The following TAFA1 variants were observed in gnomAD, a reference collection of about 807,000 sequenced individuals.
The protein encoded by TAFA1 is chemokine-like protein TAFA-1.
In TAFA1, 4 loss-of-function variants were observed where a neutral mutation model predicts 18.5. The observed-to-expected ratio is 0.22, with a 90% CI of 0.11 to 0.49. TAFA1 has a LOEUF of 0.49. Ranked by LOEUF, TAFA1 falls within the 20% of genes least tolerant of loss-of-function variation. TAFA1 has a pLI of 0.98. For synonymous variants in TAFA1, 56 were observed against 55.2 expected, an observed-to-expected ratio of 1.01 and a Z score of -0.06; for missense variants, 147 against 169.0, an observed-to-expected ratio of 0.87 and a Z score of 0.72.
At chr3:68,018,418 C>T (rs1268736314) in intron 2 of TAFA1, among the ~76,000 whole-genome samples, 1 of 152,184 alleles carries the variant, frequency 6.6e-6, no homozygotes, top group Non-Finnish European at 1.5e-5. Context: ...AAGGAAGCTG[C>T]ATAACTCTAA....
rs546759558 is a variant in TAFA1 at position 68,441,526 on chromosome 3, C to G, written c.259+24106C>G. Among the ~76,000 whole-genome samples, 5 of 152,322 alleles carry G rather than the reference C, an allele frequency of 3.3e-5. No individual in the cohort carries two copies. The South Asian group carries it at 1.0e-3, about 32-fold the overall frequency. ...TCATCAACTCATCATGCAACCTGAA[C>G]TGCCTATCATGAACTGGGTACTTTC... is the stretch of plus-strand genomic sequence containing the variant. On this transcript the variant is annotated intron_variant, in intron 3 of 4. Coordinates refer to ENST00000478136, the MANE Select transcript of TAFA1 (RefSeq NM_213609.4).
intron 2 of TAFA1, among the ~76,000 whole-genome samples, chr3:68,033,109 G>A (rs1267874948): frequency 6.6e-6 from 1 of 152,168 alleles, no homozygotes; most frequent in Admixed American, 6.6e-5. Context: ...TAATGAAAAA[G>A]TGGTCAAATT....
intron 2 of TAFA1, among the ~76,000 whole-genome samples, chr3:68,332,672 C>T (rs1437463979): frequency 6.6e-6 from 1 of 152,162 alleles, no homozygotes; most frequent in African/African-American, 2.4e-5. Context: ...TGGAAAGGTA[C>T]TCAACATCAC....
At chr3:68,190,839 T>C (rs2066329050) in intron 2 of TAFA1, among the ~76,000 whole-genome samples, 1 of 151,842 alleles carries the variant, frequency 6.6e-6, no homozygotes, top group African/African-American at 2.4e-5. Context: ...ATCTTGAGCT[T>C]GTCCAAGCAA....
chr3:68,120,117 A>C (rs1218759722), intron 2 of TAFA1, among the ~76,000 whole-genome samples: 3 of 151,824 alleles, frequency 2.0e-5, no homozygotes, highest in African/African-American at 7.3e-5. Flanking sequence ...TTTGTCATTC[A>C]GTTTTCATAG....
At chr3:68,538,433 G>C (rs2073311286) in intron 3 of TAFA1, among the ~76,000 whole-genome samples, 1 of 152,068 alleles carries the variant, frequency 6.6e-6, no homozygotes, top group South Asian at 2.1e-4. Flanking sequence ...CTATGCCCAG[G>C]AATGACCAAA....
intron 1 of TAFA1, among the ~76,000 whole-genome samples, chr3:68,004,997 C>A (rs891244400): frequency 6.6e-6 from 1 of 151,500 alleles, no homozygotes; most frequent in African/African-American, 2.4e-5. Context: ...AGAAAGCAGT[C>A]ATTGAAAAAC....
At chr3:68,408,297 G>A (rs9833279) in intron 2 of TAFA1, among the ~76,000 whole-genome samples, 79,685 of 151,894 alleles carry the variant, frequency 0.52, 21,219 homozygotes, top group African/African-American at 0.6. Context: ...TGAGAACTGG[G>A]GTTTACTCAT....
chr3:68,414,532 C>G (rs1270624160), intron 2 of TAFA1, among the ~76,000 whole-genome samples: 1 of 152,090 alleles, frequency 6.6e-6, no homozygotes, highest in Non-Finnish European at 1.5e-5. Flanking sequence ...AGTTATTTAA[C>G]CCCTCTGAGC....
In TAFA1 at chr3:68,028,403, G is replaced by T. The variant is rs12635428; in HGVS notation, c.118+21659G>T. Reference sequence around the variant, plus strand: ...CACATATAAAGAAGTTGAACAAAAAGATGAAAATAATTTAAATATTATTTT... The same window carrying T: ...CACATATAAAGAAGTTGAACAAAAATATGAAAATAATTTAAATATTATTTT... On this transcript the variant is annotated intron_variant, in intron 2 of 4. Transcript: ENST00000478136. Among the ~76,000 whole-genome samples, 52 of 148,212 alleles carry T rather than the reference G, an allele frequency of 3.5e-4. No homozygotes were observed. The East Asian group carries it at 0.01, about 29-fold the overall frequency.
chr3:68,011,665 A>T (rs946514115), intron 2 of TAFA1, among the ~76,000 whole-genome samples: 1 of 152,208 alleles, frequency 6.6e-6, no homozygotes, highest in Non-Finnish European at 1.5e-5. Context: ...CTATGGTCGC[A>T]TATTGGCTCT....
chr3:68,212,426 T>A (rs1269325837), intron 2 of TAFA1, among the ~76,000 whole-genome samples: 1 of 152,008 alleles, frequency 6.6e-6, no homozygotes, highest in Non-Finnish European at 1.5e-5. Flanking sequence ...GTCTTGCTAC[T>A]AGTTAAAAAA....
chr3:68,127,118 T>A (rs1246287362), intron 2 of TAFA1, among the ~76,000 whole-genome samples: 1 of 152,202 alleles, frequency 6.6e-6, no homozygotes, highest in East Asian at 1.9e-4. Flanking sequence ...AGCTGACTTT[T>A]GACTCAATCA....
intron 2 of TAFA1, among the ~76,000 whole-genome samples, chr3:68,025,360 G>C (rs547015647): frequency 2.6e-5 from 4 of 152,254 alleles, no homozygotes; most frequent in African/African-American, 9.6e-5. Flanking sequence ...CCTCTACGTG[G>C]ATTATAGGGG....
At chr3:68,104,572 G>A (rs1277853604) in intron 2 of TAFA1, among the ~76,000 whole-genome samples, 1 of 151,998 alleles carries the variant, frequency 6.6e-6, no homozygotes, top group Admixed American at 6.5e-5. Context: ...TTGAGGGAGT[G>A]GAACTAAAGA....
intron 2 of TAFA1, among the ~76,000 whole-genome samples, chr3:68,305,476 T>A (rs1306755780): frequency 3.1e-5 from 4 of 127,534 alleles, no homozygotes; most frequent in African/African-American, 1.2e-4. Flanking sequence ...GGGTTAGGAC[T>A]TCAATTTATC....
intron 2 of TAFA1, among the ~76,000 whole-genome samples, chr3:68,386,410 T>C (rs776029031): frequency 1.1e-4 from 16 of 152,160 alleles, no homozygotes; most frequent in Admixed American, 8.5e-4. Flanking sequence ...TTGTTTGTTT[T>C]TTTAGTTGTC....
intron 3 of TAFA1, among the ~76,000 whole-genome samples, chr3:68,422,953 G>T (rs982650222): frequency 6.6e-6 from 1 of 151,568 alleles, no homozygotes; most frequent in Admixed American, 6.6e-5. Context: ...AGTTCTTCTC[G>T]GGGACTAAAA....
At chr3:68,509,287 C>T (rs1199376554) in intron 3 of TAFA1, among the ~76,000 whole-genome samples, 2 of 152,038 alleles carry the variant, frequency 1.3e-5, no homozygotes, top group Admixed American at 6.6e-5. Context: ...CATGTGGTCT[C>T]ATTAGAGTTC....
Sources: gnomAD v4.1 joint callset for allele counts (sites outside exome capture counted in the v4.1 genomes callset) on GRCh38, gnomAD v4.1.1 for gene constraint, MANE v1.5 for transcripts, NCBI Gene and HGNC (gene_info 2026-07-23, HGNC 2026-07-21) for gene names.